DNAH3: variants seen among roughly 807,000 people sequenced by gnomAD.
The protein encoded by DNAH3 is dynein axonemal heavy chain 3.
Under a neutral mutation model 432.5 loss-of-function variants are expected in DNAH3, and 332 were observed. That is an observed-to-expected ratio of 0.77 (90% CI 0.70 to 0.84). The LOEUF (loss-of-function observed/expected upper bound fraction) is 0.84. DNAH3 is among the 40% of genes least tolerant of loss of function. The pLI, the probability that DNAH3 is intolerant of heterozygous loss-of-function variation, is 0.00. For synonymous variants in DNAH3, 1,956 were observed against 1,900.2 expected (o/e 1.03, Z -0.76); for missense variants, 4,861 against 5,114.0 (o/e 0.95, Z 1.51).
At chr16:21,153,897 CTT>C (rs950095496) in intron 1 of DNAH3, among the ~76,000 whole-genome samples, 1 of 152,202 alleles carries the variant, frequency 6.6e-6, no homozygotes, top group Non-Finnish European at 1.5e-5. Flanking sequence ...GCTTTCCATC[CTT>C]TCAAAATAAC....
chr16:21,071,402 G>GGCCTCAA (rs939443415), intron 21 of DNAH3, among the ~76,000 whole-genome samples: 19 of 151,768 alleles, frequency 1.3e-4, no homozygotes, highest in African/African-American at 3.6e-4. Flanking sequence ...TCGAACTCCT[G>GGCCTCAA]GCCTCAAGTG....
chr16:20,981,097 G>A (rs1343422930), intron 49 of DNAH3, among the ~76,000 whole-genome samples: 3 of 152,152 alleles, frequency 2.0e-5, no homozygotes, highest in South Asian at 2.1e-4. Context: ...CCATCAATTC[G>A]AAGAAAATTA....
chr16:20,991,046 AAAAC>A (rs1358068307), intron 44 of DNAH3, among the ~76,000 whole-genome samples: 3 of 151,886 alleles, frequency 2.0e-5, no homozygotes, highest in Non-Finnish European at 2.9e-5. Context: ...AAAACAAAAC[AAAAC>A]AAAAACAAAA....
Position 21,067,317 on chromosome 16 carries a change from C to G in DNAH3, c.3484G>C (p.Asp1162His), listed in dbSNP as rs768867312. The change falls in exon 24 of 62, where the codon GAT becomes CAT. Residue 1162 changes from aspartate (D) to histidine (H), a missense_variant. Coordinates refer to ENST00000261383, the Ensembl canonical transcript of DNAH3. ...AATAGTCTCTTCTTCTCCAAGTAAT[C>G]ATTCAGCCCTTTCTGGATGTCCTCC... 1.9e-5 allele frequency: 30 copies of G among 1,613,972 alleles called. No homozygotes were observed. In the South Asian group the frequency reaches 3.3e-4, roughly 18 times the overall value.
exon 62 of DNAH3, chr16:20,933,155 C>A: frequency 6.2e-7 from 1 of 1,608,486 alleles, no homozygotes. Context: ...CAAATGCCAT[C>A]AGTTATCCAG....
chr16:21,156,996 AAC>A lies in DNAH3; in HGVS notation c.117+2327_117+2328del, dbSNP rs34199213. ...TGATTGGAAGGCTGTAATCTAAGGA[AAC>A]ACACACACACACACACACACACACA... On this transcript the variant is annotated intron_variant, in intron 1 of 61. Transcript: ENST00000261383. Among the ~76,000 whole-genome samples the A allele has an allele frequency of 5.6e-3, 832 of 147,460 alleles. 7 individuals carry two copies. The highest frequency in any genetic ancestry group is 0.019 in the African/African-American group (741 of 39,664).
intron 54 of DNAH3, among the ~76,000 whole-genome samples, chr16:20,955,576 A>C (rs2084526412): frequency 6.6e-6 from 1 of 151,958 alleles, no homozygotes; most frequent in Admixed American, 6.6e-5. Flanking sequence ...CTGGGATTAC[A>C]GGTGTGAGTC....
intron 43 of DNAH3, among the ~76,000 whole-genome samples, chr16:20,999,845 GA>G (rs2086931023): frequency 6.6e-6 from 1 of 152,150 alleles, no homozygotes; most frequent in African/African-American, 2.4e-5. Flanking sequence ...TTATCTGACA[GA>G]AAATGGAATA....
intron 12 of DNAH3, 25 bp downstream of exon 12, chr16:21,117,178 C>T: frequency 6.6e-7 from 1 of 1,508,132 alleles, no homozygotes; most frequent in Non-Finnish European, 9.1e-7. Flanking sequence ...AGCTACATAG[C>T]TAATAAATTT....
chr16:21,040,827 G>C (rs956666881), intron 32 of DNAH3, among the ~76,000 whole-genome samples: 2 of 152,208 alleles, frequency 1.3e-5, no homozygotes, highest in African/African-American at 4.8e-5. Flanking sequence ...GTGCTTGCAA[G>C]AGTATGTGGC....
chr16:21,141,396 A>G (rs1382279189), intron 3 of DNAH3, 24 bp from the exon 5 acceptor site: 1 of 1,554,620 alleles, frequency 6.4e-7, no homozygotes. Context: ...GAAGAAAGAC[A>G]TCAGTGATGG....
intron 61 of DNAH3, among the ~76,000 whole-genome samples, chr16:20,934,994 T>C (rs991852468): frequency 1.3e-5 from 2 of 152,162 alleles, no homozygotes; most frequent in African/African-American, 4.8e-5. Context: ...CTGTTGGCCA[T>C]GCTTTTAACT....
chr16:21,137,127 CTG>C (rs2092654346), intron 5 of DNAH3, among the ~76,000 whole-genome samples: 1 of 151,982 alleles, frequency 6.6e-6, no homozygotes, highest in Admixed American at 6.6e-5. Flanking sequence ...AATCGAGACT[CTG>C]TCTCAAAAAC....
chr16:21,096,674 G>C (rs1342770557), intron 18 of DNAH3, among the ~76,000 whole-genome samples: 2 of 151,348 alleles, frequency 1.3e-5, no homozygotes, highest in Admixed American at 1.3e-4. Context: ...GTTTTGTTTT[G>C]TTTTTTTCCC....
intron 49 of DNAH3, among the ~76,000 whole-genome samples, chr16:20,981,388 T>C (rs919918675): frequency 6.6e-6 from 1 of 152,182 alleles, no homozygotes; most frequent in Non-Finnish European, 1.5e-5. Flanking sequence ...TTTAAGGCCA[T>C]TGACACTCTT....
At chr16:21,028,736 A>T (rs2088710417) in intron 37 of DNAH3, among the ~76,000 whole-genome samples, 1 of 152,168 alleles carries the variant, frequency 6.6e-6, no homozygotes, top group Admixed American at 6.6e-5. Context: ...GCAATTACAC[A>T]GGAAAGCCTT....
chr16:21,145,422 T>C lies in DNAH3; in HGVS notation c.223-16A>G. 1 of 1,604,828 alleles carries C rather than the reference T, an allele frequency of 6.2e-7. No individual in the cohort carries two copies. The highest frequency in any genetic ancestry group is 8.5e-7 in the Non-Finnish European group (1 of 1,171,646). On this transcript the variant is annotated splice_polypyrimidine_tract_variant and intron_variant, in intron 2 of 61. Transcript: ENST00000261383. ...ACATGACAGTCTACGAGGTAAGAAG[T>C]GCAGAGTGAGACACAATGAGGAACA...
In DNAH3 at chr16:21,019,731, C is replaced by T. The variant is rs151258803; in HGVS notation, c.5915G>A (p.Arg1972Lys). 1,217 of 1,614,146 alleles carry T rather than the reference C, an allele frequency of 7.5e-4. 3 individuals carry two copies. The Middle Eastern group carries it at 0.014, about 19-fold the overall frequency. Residue 1972 changes from arginine (R) to lysine (K), a missense_variant, in exon 41 of 62, where the codon AGA becomes AAA. By Grantham distance (26) the Arg-to-Lys change is conservative (BLOSUM62 2). Coordinates refer to ENST00000261383, the Ensembl canonical transcript of DNAH3. ...GCGGAAAAACACATCAAATTTCTTT[C>T]TGCTGTCTGCGTTGATGGTGCCAGC... is the stretch of plus-strand genomic sequence containing the variant.
chr16:21,138,847 C>T (rs1381611159), intron 5 of DNAH3, among the ~76,000 whole-genome samples: 1 of 151,774 alleles, frequency 6.6e-6, no homozygotes, highest in Non-Finnish European at 1.5e-5. Context: ...TTGGTATCAG[C>T]CAGACCGGCT....
Sources: gnomAD v4.1 joint callset for allele counts (sites outside exome capture counted in the v4.1 genomes callset) on GRCh38, gnomAD v4.1.1 for gene constraint, MANE v1.5 for transcripts, NCBI Gene and HGNC (gene_info 2026-07-23, HGNC 2026-07-21) for gene names.